RUNX1: variants seen among roughly 807,000 people sequenced by gnomAD.
RUNX1 encodes the protein runt-related transcription factor 1.
Under a neutral mutation model 42.8 loss-of-function variants are expected in RUNX1, and 19 were observed. The ratio of observed to expected loss-of-function variants is 0.44; its 90% confidence interval spans 0.31 to 0.65. The LOEUF is 0.65. Among genes scored for constraint, RUNX1 ranks in the 30% least tolerant of loss-of-function variants. The pLI is 0.07. For synonymous variants in RUNX1, 271 were observed against 289.4 expected (o/e 0.94, Z 0.64); for missense variants, 528 against 672.0 (o/e 0.79, Z 2.37).
At position 34,907,857 on chromosome 21, in the gene RUNX1, T is replaced by C. The variant is rs1415293896; in HGVS notation, c.59-14894A>G. Among the ~76,000 whole-genome samples the C allele has an allele frequency of 6.6e-6, 1 of 151,958 alleles. No homozygotes were observed. The highest frequency in any genetic ancestry group is 1.9e-4 in the East Asian group (1 of 5,196). On this transcript the variant is annotated intron_variant, in intron 2 of 8. Transcript: ENST00000675419. The surrounding 1 kb of genome is among the most constrained non-coding windows in gnomAD (Gnocchi z 5.3). ...GAAAAGATTCTTAGCAAACATTGGG[T>C]CATTTTGTTTAGAGGTGAAAAGATT...
intron 2 of RUNX1, among the ~76,000 whole-genome samples, chr21:34,987,709 A>G (rs2058902335): frequency 6.6e-6 from 1 of 152,228 alleles, no homozygotes; most frequent in Non-Finnish European, 1.5e-5. Context: ...TAGCTAGGAG[A>G]GCACCAAAGT....
At chr21:34,956,076 T>G (rs2058641848) in intron 2 of RUNX1, among the ~76,000 whole-genome samples, 1 of 152,178 alleles carries the variant, frequency 6.6e-6, no homozygotes, top group South Asian at 2.1e-4. Flanking sequence ...TGAAATAAAA[T>G]TCAGCAAAAG....
At chr21:34,826,434 C>CTTTTTTTTTTTTTTTTTT (rs772880673) in intron 7 of RUNX1, among the ~76,000 whole-genome samples, 7 of 105,360 alleles carry the variant, frequency 6.6e-5, no homozygotes, top group East Asian at 2.9e-4. Context: ...TTCTTTCTTT[C>CTTTTTTTTTTTTTTTTTT]TTTTTTTTTT....
intron 2 of RUNX1, among the ~76,000 whole-genome samples, chr21:34,940,891 T>G (rs557864926): frequency 6.6e-6 from 1 of 152,346 alleles, no homozygotes; most frequent in Non-Finnish European, 1.5e-5. Context: ...CAAGTTGGAC[T>G]GAAATAAACT....
intron 6 of RUNX1, among the ~76,000 whole-genome samples, chr21:34,844,441 T>C (rs1187726368): frequency 6.6e-6 from 1 of 152,132 alleles, no homozygotes; most frequent in Non-Finnish European, 1.5e-5. Flanking sequence ...CTAACCTCCC[T>C]GCAGGAATCT....
chr21:35,009,168 A>G (rs2059107100), intron 2 of RUNX1, among the ~76,000 whole-genome samples: 1 of 152,198 alleles, frequency 6.6e-6, no homozygotes, highest in Non-Finnish European at 1.5e-5. Context: ...TCCATGATGT[A>G]TCCTATTCTT....
In RUNX1 at chr21:34,821,251, G is replaced by A. The variant is rs1042577452; in HGVS notation, c.805+13159C>T. 8.6e-5 allele frequency: 91 copies of A among 1,055,838 alleles called. No individual in the cohort carries two copies. The African/African-American group carries it at 9.5e-4, about 11-fold the overall frequency. The allele number at this position is 1,055,838 out of a possible 1,614,324, so 65.4% of individuals were successfully genotyped here. On this transcript the variant is annotated intron_variant, in intron 7 of 8. Transcript: ENST00000675419. ...AACTAACTGGTGATACAACAATGCC[G>A]CCAATAAGAGCACATAAATAGCAAT...
chr21:34,889,192 G>T (rs1173032756), intron 3 of RUNX1, among the ~76,000 whole-genome samples: 1 of 151,756 alleles, frequency 6.6e-6, no homozygotes, highest in Non-Finnish European at 1.5e-5. Flanking sequence ...CTGCGCGGCC[G>T]CCCAGGGCCA....
Position 34,997,908 on chromosome 21 carries a change from T to G in RUNX1, c.58+50934A>C, listed in dbSNP as rs7275214. Among the ~76,000 whole-genome samples, 1,361 of 152,198 alleles carry G rather than the reference T, an allele frequency of 8.9e-3. 21 individuals carry two copies. The highest frequency in any genetic ancestry group is 0.031 in the African/African-American group (1,308 of 41,528). On this transcript the variant is annotated intron_variant, in intron 2 of 8. Coordinates refer to ENST00000675419, the MANE Select transcript of RUNX1 (RefSeq NM_001754.5). ...GCCTTTTCTGTGCATTTGGGGTGCATGTGGAAAGAAGGTTCTGCAAGATGG... is the reference window on the plus strand; with the variant it reads ...GCCTTTTCTGTGCATTTGGGGTGCAGGTGGAAAGAAGGTTCTGCAAGATGG...
rs150175950 is a variant in RUNX1 at position 34,807,339 on chromosome 21, G to T, written c.806-7877C>A. Among the ~76,000 whole-genome samples the T allele has an allele frequency of 4.7e-3, 722 of 152,222 alleles. 3 individuals carry two copies. The highest frequency in any genetic ancestry group is 0.016 in the African/African-American group (665 of 41,532). ...GGTTTCCAACAGCACCCCTTGAGCGGTGGCACCCTTCATCCTGGGCTTGGA... is the reference window on the plus strand; with the variant it reads ...GGTTTCCAACAGCACCCCTTGAGCGTTGGCACCCTTCATCCTGGGCTTGGA... On this transcript the variant is annotated intron_variant, in intron 7 of 8. Coordinates refer to ENST00000675419, the MANE Select transcript of RUNX1 (RefSeq NM_001754.5).
chr21:34,929,796 C>T (rs971499558), intron 2 of RUNX1, among the ~76,000 whole-genome samples: 27 of 152,168 alleles, frequency 1.8e-4, no homozygotes, highest in Middle Eastern at 6.3e-3. Context: ...CACTGTCTAT[C>T]CTTTTTAACA....
chr21:34,851,937 C>A (rs557043204), intron 6 of RUNX1, among the ~76,000 whole-genome samples: 18 of 152,102 alleles, frequency 1.2e-4, no homozygotes, highest in Non-Finnish European at 1.9e-4. Context: ...GAGGCCAAGG[C>A]GGGTGGATCA....
At chr21:35,010,500 C>A (rs2059117914) in intron 2 of RUNX1, among the ~76,000 whole-genome samples, 1 of 152,110 alleles carries the variant, frequency 6.6e-6, no homozygotes, top group African/African-American at 2.4e-5. Flanking sequence ...TGTTGCATTT[C>A]TCTCTCTCTT....
chr21:34,876,517 C>T (rs2057816661), intron 5 of RUNX1, among the ~76,000 whole-genome samples: 1 of 152,090 alleles, frequency 6.6e-6, no homozygotes. Flanking sequence ...GTTCTGGTAG[C>T]CTAGAAACTG....
intron 2 of RUNX1, among the ~76,000 whole-genome samples, chr21:34,993,497 CTA>C (rs1491264484): frequency 0.018 from 2,120 of 119,202 alleles, 66 homozygotes; most frequent in African/African-American, 0.071. Flanking sequence ...TTGTTTGTCC[CTA>C]CACACACACA....
intron 7 of RUNX1, among the ~76,000 whole-genome samples, chr21:34,811,491 C>T (rs140052189): frequency 2.2e-3 from 329 of 152,328 alleles, no homozygotes; most frequent in Admixed American, 3.5e-3. Flanking sequence ...TGCTTCATGT[C>T]GTCTTCTACA....
At chr21:34,859,415 A>G in intron 6 of RUNX1, 59 bp downstream of exon 6, 1 of 1,238,020 alleles carries the variant, frequency 8.1e-7, no homozygotes, top group Non-Finnish European at 1.2e-6. Context: ...CCCTGAGTAT[A>G]CCAGCCTGGA....
At chr21:34,872,870 C>A (rs1280030651) in intron 5 of RUNX1, among the ~76,000 whole-genome samples, 1 of 152,150 alleles carries the variant, frequency 6.6e-6, no homozygotes, top group African/African-American at 2.4e-5. Context: ...CAAATGTCTT[C>A]TGGGAGTCAA....
chr21:34,886,895 G>C lies in RUNX1; in HGVS notation c.299C>G (p.Ser100Cys). The change falls in exon 4 of 9, where the codon TCC becomes TGC. Residue 100 changes from serine (S) to cysteine (C), a missense_variant. Physicochemically the swap from Ser to Cys is moderately radical, Grantham distance 112. Around this residue, in one of 3 missense-constraint regions of RUNX1, gnomAD observed 83 missense variants for 174.5 expected, o/e 0.48. Transcript: ENST00000675419. ...VRTDSPNFLC[S>C]VLPTHWRCNK... ...GCAGCGCCAGTGCGTAGGCAGCACG[G>C]AGCAGAGGAAGTTGGGGCTGTCGGT... 1.2e-6 allele frequency: 2 copies of C among 1,613,684 alleles called. No homozygotes were observed. The highest frequency in any genetic ancestry group is 1.1e-5 in the South Asian group (1 of 91,080).
Sources: allele counts gnomAD v4.1 joint callset (sites outside exome capture counted in the v4.1 genomes callset), GRCh38; gene constraint gnomAD v4.1.1; regional missense constraint gnomAD v4.1.1; non-coding constraint Gnocchi (gnomAD v3.1); transcripts MANE v1.5; gene names NCBI Gene and HGNC (gene_info 2026-07-23, HGNC 2026-07-21).